FHIT: variants seen among roughly 807,000 people sequenced by gnomAD.
FHIT encodes fragile histidine triad diadenosine triphosphatase.
Under a neutral mutation model 17.9 loss-of-function variants are expected in FHIT, and 19 were observed. The observed-to-expected ratio is 1.06, with a 90% CI of 0.74 to 1.56. FHIT has a LOEUF of 1.56. Ranked by LOEUF, FHIT falls within the 40% of genes most tolerant of loss-of-function variation. The pLI, the probability that FHIT is intolerant of heterozygous loss-of-function variation, is 0.00. For synonymous variants in FHIT, 81 were observed against 69.7 expected, an observed-to-expected ratio of 1.16 and a Z score of -0.81; for missense variants, 248 against 189.2, an observed-to-expected ratio of 1.31 and a Z score of -1.82.
chr3:61,090,283 G>A (rs140180277), intron 2 of FHIT, among the ~76,000 whole-genome samples: 156 of 152,302 alleles, frequency 1.0e-3, no homozygotes, highest in Non-Finnish European at 1.7e-3. Flanking sequence ...TGATTCTTAA[G>A]ACATTTTCAA....
At chr3:60,336,152 G>A (rs1710228765) in intron 5 of FHIT, among the ~76,000 whole-genome samples, 1 of 152,172 alleles carries the variant, frequency 6.6e-6, no homozygotes, top group African/African-American at 2.4e-5. Context: ...TCAGCAGCAA[G>A]CTGTGCACTC....
chr3:60,068,099 G>A (rs1352709601), intron 5 of FHIT, among the ~76,000 whole-genome samples: 2 of 152,088 alleles, frequency 1.3e-5, no homozygotes, highest in Non-Finnish European at 2.9e-5. Context: ...AGCCAAGTGT[G>A]ATGGCACACA....
At chr3:60,825,005 C>T (rs1702064438) in intron 3 of FHIT, among the ~76,000 whole-genome samples, 1 of 152,178 alleles carries the variant, frequency 6.6e-6, no homozygotes, top group African/African-American at 2.4e-5. Context: ...TGGGATTCTA[C>T]TTTATTTCTA....
At chr3:59,892,071 G>A (rs1703876808) in intron 8 of FHIT, among the ~76,000 whole-genome samples, 1 of 152,206 alleles carries the variant, frequency 6.6e-6, no homozygotes, top group Admixed American at 6.5e-5. Flanking sequence ...ATTTAGCCAA[G>A]TCCATACCTT....
chr3:60,128,177 A>G lies in FHIT; in HGVS notation c.104-114025T>C, dbSNP rs541126686. Among the ~76,000 whole-genome samples the G allele has an allele frequency of 3.9e-5, 6 of 152,310 alleles. No homozygotes were observed. The South Asian group carries it at 1.2e-3, about 32-fold the overall frequency. ...AGTGAATTGAATATTGAACCCTGAT[A>G]TGGTTTGGCTGTGTTCCCACTGAAA... is the stretch of plus-strand genomic sequence containing the variant. On this transcript the variant is annotated intron_variant, in intron 5 of 9. Transcript: ENST00000492590.
chr3:60,546,313 CTATTTT>C (rs1397777207), intron 4 of FHIT, among the ~76,000 whole-genome samples: 2 of 152,098 alleles, frequency 1.3e-5, no homozygotes, highest in Admixed American at 1.3e-4. Flanking sequence ...ATTACACATT[CTATTTT>C]TATTTCAGTA....
intron 5 of FHIT, among the ~76,000 whole-genome samples, chr3:60,029,315 G>T (rs1291854342): frequency 2.0e-5 from 3 of 152,098 alleles, no homozygotes; most frequent in Admixed American, 2.0e-4. Flanking sequence ...ATAAGATGAG[G>T]GGTACTTGTA....
chr3:60,311,250 C>CGTGTGTGTGTGT (rs10621849), intron 5 of FHIT, among the ~76,000 whole-genome samples: 2 of 150,942 alleles, frequency 1.3e-5, no homozygotes, highest in African/African-American at 4.9e-5. Context: ...TCTACCCCAA[C>CGTGTGTGTGTGT]GTGTGTGTGT....
intron 5 of FHIT, among the ~76,000 whole-genome samples, chr3:60,306,887 G>A (rs1708696046): frequency 6.6e-6 from 1 of 152,084 alleles, no homozygotes; most frequent in African/African-American, 2.4e-5. Flanking sequence ...TAAAATCATG[G>A]AGGATTGATC....
intron 8 of FHIT, among the ~76,000 whole-genome samples, chr3:59,914,848 C>T (rs986373989): frequency 5.3e-5 from 8 of 151,596 alleles, no homozygotes; most frequent in African/African-American, 1.2e-4. Context: ...CCTATACTCT[C>T]ATTTCTCTAA....
chr3:60,907,508 G>A (rs879963735), intron 3 of FHIT, among the ~76,000 whole-genome samples: 9 of 152,118 alleles, frequency 5.9e-5, no homozygotes, highest in Non-Finnish European at 4.4e-5. Flanking sequence ...AAGGTATGAG[G>A]GACATTAATG....
intron 5 of FHIT, among the ~76,000 whole-genome samples, chr3:60,029,547 C>T (rs1700894074): frequency 6.6e-6 from 1 of 152,164 alleles, no homozygotes; most frequent in Non-Finnish European, 1.5e-5. Context: ...CCTGAATTCT[C>T]CCACCACACT....
intron 5 of FHIT, among the ~76,000 whole-genome samples, chr3:60,401,194 T>A (rs1701644175): frequency 6.6e-6 from 1 of 152,208 alleles, no homozygotes; most frequent in South Asian, 2.1e-4. Flanking sequence ...AGATTTTTAG[T>A]GAATTCCTTA....
At chr3:60,954,035 A>C (rs1709007728) in intron 3 of FHIT, among the ~76,000 whole-genome samples, 1 of 152,136 alleles carries the variant, frequency 6.6e-6, no homozygotes, top group Non-Finnish European at 1.5e-5. Flanking sequence ...TAATTATGTA[A>C]ATCTGCTCCT....
At chr3:60,539,832 C>G (rs577148108) in intron 4 of FHIT, among the ~76,000 whole-genome samples, 1 of 152,012 alleles carries the variant, frequency 6.6e-6, no homozygotes, top group Non-Finnish European at 1.5e-5. Context: ...AGGAGATATA[C>G]CTAACGTGAA....
chr3:60,336,766 C>A (rs181718756), intron 5 of FHIT, among the ~76,000 whole-genome samples: 300 of 152,012 alleles, frequency 2.0e-3, no homozygotes, highest in Admixed American at 3.7e-3. Context: ...TAGATAATAA[C>A]ATACAGTAAG....
chr3:60,487,203 C>T (rs2033880499), intron 5 of FHIT, among the ~76,000 whole-genome samples: 1 of 151,998 alleles, frequency 6.6e-6, no homozygotes, highest in Non-Finnish European at 1.5e-5. Flanking sequence ...TAAAGTGCTG[C>T]TCTACACTCC....
rs1272267209 is a variant in FHIT, at chr3:60,931,527, G to C, written c.-110-109516C>G. On this transcript the variant is annotated intron_variant, in intron 3 of 9. Transcript: ENST00000492590. Reference sequence around the variant, plus strand: ...TTCCAAATGCTGCCGCCTGTTTTTAGTACAGATCTGTGTTAAGCAAAGGAA... The same window carrying C: ...TTCCAAATGCTGCCGCCTGTTTTTACTACAGATCTGTGTTAAGCAAAGGAA... Among the ~76,000 whole-genome samples the C allele has an allele frequency of 5.9e-5, 9 of 152,058 alleles. No homozygotes were observed. In the East Asian group the frequency reaches 1.7e-3, roughly 29 times the overall value.
At position 60,609,192 on chromosome 3, in the gene FHIT, T is replaced by C. The variant is rs185659836; in HGVS notation, c.-17-72213A>G. On this transcript the variant is annotated intron_variant, in intron 4 of 9. Coordinates refer to ENST00000492590, the MANE Select transcript of FHIT (RefSeq NM_002012.4). Reference sequence around the variant, plus strand: ...AATAGCATTCCACCTGACAGCTGCATGAACTCAAGTCTTTCTCATGTATGG... The same window carrying C: ...AATAGCATTCCACCTGACAGCTGCACGAACTCAAGTCTTTCTCATGTATGG... Among the ~76,000 whole-genome samples the C allele has an allele frequency of 1.6e-4, 25 of 152,298 alleles. No homozygotes were observed. The East Asian group carries it at 4.4e-3, about 27-fold the overall frequency.
Sources: gnomAD v4.1 joint callset for allele counts (sites outside exome capture counted in the v4.1 genomes callset) on GRCh38, gnomAD v4.1.1 for gene constraint, MANE v1.5 for transcripts, NCBI Gene and HGNC (gene_info 2026-07-23, HGNC 2026-07-21) for gene names.